Variants in ADAMTSL1 observed in about 807,000 individuals in gnomAD.
The protein encoded by ADAMTSL1 is ADAMTS like 1.
ADAMTSL1 carries 126 observed loss-of-function variants against 201.8 expected under a neutral mutation model. The observed-to-expected ratio is 0.62, with a 90% CI of 0.54 to 0.72. The LOEUF (loss-of-function observed/expected upper bound fraction) is 0.72. Among genes scored for constraint, ADAMTSL1 ranks in the 30% least tolerant of loss-of-function variants. ADAMTSL1 has a pLI of 0.00. For missense variants in ADAMTSL1, 2,679 were observed against 2,277.8 expected (o/e 1.18, Z -3.59); for synonymous variants, 1,121 against 903.4 (o/e 1.24, Z -4.32).
At chr9:17,944,815 C>A (rs1827388915) in intron 1 of ADAMTSL1, among the ~76,000 whole-genome samples, 1 of 131,594 alleles carries the variant, frequency 7.6e-6, no homozygotes, top group African/African-American at 2.8e-5. Flanking sequence ...AAAATTAATT[C>A]AAGATGGATT....
chr9:18,656,337 A>G (rs1468532941), intron 7 of ADAMTSL1, among the ~76,000 whole-genome samples: 1 of 152,012 alleles, frequency 6.6e-6, no homozygotes, highest in African/African-American at 2.4e-5. Flanking sequence ...CAATTAAGAA[A>G]ATGGTAAGAC....
intron 23 of ADAMTSL1, among the ~76,000 whole-genome samples, chr9:18,838,144 T>C (rs1172734887): frequency 1.3e-5 from 2 of 152,160 alleles, no homozygotes; most frequent in East Asian, 3.9e-4. Context: ...ACGTCTTACA[T>C]GGATGGTGGC....
chr9:18,338,946 A>G (rs1835357294), intron 2 of ADAMTSL1, among the ~76,000 whole-genome samples: 1 of 152,178 alleles, frequency 6.6e-6, no homozygotes, highest in African/African-American at 2.4e-5. Context: ...GCTGCAAAGG[A>G]CATGATCTCT....
intron 2 of ADAMTSL1, among the ~76,000 whole-genome samples, chr9:18,242,644 A>T (rs1205960325): frequency 1.3e-5 from 2 of 152,142 alleles, no homozygotes; most frequent in Non-Finnish European, 2.9e-5. Context: ...GCTTTTAAAT[A>T]AATTGATGCA....
chr9:18,775,608 A>G, intron 17 of ADAMTSL1, 135 bp from the exon 18 acceptor site: 1 of 1,167,642 alleles, frequency 8.6e-7, no homozygotes. Flanking sequence ...GTGACCTCAT[A>G]ATTAGTATTT....
At chr9:18,037,945 G>C (rs1310473845) in intron 1 of ADAMTSL1, among the ~76,000 whole-genome samples, 1 of 124,454 alleles carries the variant, frequency 8.0e-6, no homozygotes, top group Non-Finnish European at 1.9e-5. Flanking sequence ...GGATTTGTCT[G>C]GTCTGGTCTG....
At chr9:18,101,294 G>A (rs1174118195) in intron 1 of ADAMTSL1, among the ~76,000 whole-genome samples, 5 of 152,024 alleles carry the variant, frequency 3.3e-5, no homozygotes, top group South Asian at 2.1e-4. Flanking sequence ...TCAGGAGGTC[G>A]AGACCAGCCT....
At chr9:18,518,284 C>T (rs1016401349) in intron 2 of ADAMTSL1, among the ~76,000 whole-genome samples, 25 of 152,004 alleles carry the variant, frequency 1.6e-4, no homozygotes, top group African/African-American at 5.8e-4. Context: ...GCAGTTTTTC[C>T]ACCCCGCCCC....
At chr9:18,816,928 G>A (rs1032168089) in intron 20 of ADAMTSL1, among the ~76,000 whole-genome samples, 181 bp from the exon 21 acceptor site, 28 of 151,850 alleles carry the variant, frequency 1.8e-4, no homozygotes, top group Non-Finnish European at 1.3e-4. Context: ...ACAACACTGC[G>A]GTAGGTAGGT....
chr9:18,079,250 T>C (rs141657710), intron 1 of ADAMTSL1, among the ~76,000 whole-genome samples: 1 of 152,246 alleles, frequency 6.6e-6, no homozygotes, highest in Non-Finnish European at 1.5e-5. Context: ...TTAAATCTCA[T>C]AAAGTAATTT....
Position 18,655,129 on chromosome 9 carries a change from G to A in ADAMTSL1, c.835-2510G>A, listed in dbSNP as rs144376198. Among the ~76,000 whole-genome samples the A allele has an allele frequency of 1.3e-3, 197 of 152,348 alleles. 2 individuals are homozygous for A. The East Asian group carries it at 0.028, about 21-fold the overall frequency. On this transcript the variant is annotated intron_variant, in intron 7 of 28. Coordinates refer to ENST00000380548, the MANE Select transcript of ADAMTSL1 (RefSeq NM_001040272.6). ...ATATTGCCTTTTGCCAGTGAAAAAG[G>A]AAAAGATGCTTTAACAGTGCTTTCT...
rs372523213 is a variant in ADAMTSL1, at chr9:18,889,640, G to A, written c.4535G>A (p.Arg1512His). Residue 1512 changes from arginine to histidine, a missense_variant, in exon 25 of 29, where the codon CGC becomes CAC. Coordinates refer to ENST00000380548, the MANE Select transcript of ADAMTSL1 (RefSeq NM_001040272.6). ...GGTAACCGGGGGGTTCAGCAGCCCC[G>A]CTTGAGGTGCCTGCTGAACAGCACG... The part of the protein sequence containing the change: ...SCGNRGVQQP[R>H]LRCLLNSTEV... 40 of 1,612,626 alleles carry A rather than the reference G, an allele frequency of 2.5e-5. No individual in the cohort carries two copies. Among genetic ancestry groups the A allele is most frequent in the East Asian group, 6.7e-5 (3 of 44,778 alleles).
At chr9:18,255,437 A>C (rs1015920353) in intron 2 of ADAMTSL1, among the ~76,000 whole-genome samples, 2 of 152,124 alleles carry the variant, frequency 1.3e-5, no homozygotes, top group African/African-American at 4.8e-5. Context: ...TAATTTCTGC[A>C]GAGTCAGAAA....
At chr9:18,334,302 GA>G in intron 2 of ADAMTSL1, among the ~76,000 whole-genome samples, 1 of 152,216 alleles carries the variant, frequency 6.6e-6, no homozygotes, top group Non-Finnish European at 1.5e-5. Context: ...GCTTTTGTTG[GA>G]AAACCCTAAA....
intron 4 of ADAMTSL1, among the ~76,000 whole-genome samples, chr9:18,577,449 G>C (rs372822005): frequency 2.6e-5 from 4 of 152,240 alleles, no homozygotes; most frequent in East Asian, 3.9e-4. Context: ...TTGCACCACT[G>C]TACTCCAGCC....
At chr9:17,940,712 C>CAAAAAAAA (rs60466124) in intron 1 of ADAMTSL1, among the ~76,000 whole-genome samples, 14 of 88,628 alleles carry the variant, frequency 1.6e-4, no homozygotes, top group East Asian at 9.7e-4. Context: ...GCATAACGTG[C>CAAAAAAAA]AAAAAAAAAA....
chr9:17,957,413 C>T (rs902736292), intron 1 of ADAMTSL1, among the ~76,000 whole-genome samples: 1 of 152,156 alleles, frequency 6.6e-6, no homozygotes, highest in Non-Finnish European at 1.5e-5. Context: ...ACAGATGCCA[C>T]CACCAAGGCA....
At chr9:18,012,831 A>G (rs1480760107) in intron 1 of ADAMTSL1, among the ~76,000 whole-genome samples, 1 of 151,978 alleles carries the variant, frequency 6.6e-6, no homozygotes, top group African/African-American at 2.4e-5. Flanking sequence ...TAGAAATGAG[A>G]AGAAAAAATA....
intron 14 of ADAMTSL1, among the ~76,000 whole-genome samples, chr9:18,721,146 T>C (rs1240861457): frequency 1.3e-5 from 2 of 152,204 alleles, no homozygotes; most frequent in Non-Finnish European, 2.9e-5. Context: ...TTCCTTTCAA[T>C]TAAAATATAA....
Sources: gnomAD v4.1 joint callset for allele counts (sites outside exome capture counted in the v4.1 genomes callset) on GRCh38, gnomAD v4.1.1 for gene constraint, MANE v1.5 for transcripts, NCBI Gene and HGNC (gene_info 2026-07-23, HGNC 2026-07-21) for gene names.